The following DNAH6 variants were observed in gnomAD, a reference collection of about 807,000 sequenced individuals.
DNAH6 encodes axonemal beta dynein heavy chain 6.
A neutral mutation model predicts 491.4 loss-of-function variants in DNAH6; 340 were observed. The ratio of observed to expected loss-of-function variants is 0.69; its 90% CI spans 0.63 to 0.76. The LOEUF (loss-of-function observed/expected upper bound fraction) is 0.76. Ranked by LOEUF, DNAH6 falls within the 30% of genes least tolerant of loss-of-function variation. DNAH6 has a pLI of 0.00. For synonymous variants in DNAH6, 1,603 were observed against 1,686.1 expected (o/e 0.95, Z 1.21); for missense variants, 4,443 against 4,972.2 (o/e 0.89, Z 3.20).
At chr2:84,549,319 C>T (rs1679096547) in intron 8 of DNAH6, among the ~76,000 whole-genome samples, 1 of 152,164 alleles carries the variant, frequency 6.6e-6, no homozygotes, top group Non-Finnish European at 1.5e-5. Flanking sequence ...GTCTCTGAGG[C>T]TACCATAGTG....
intron 41 of DNAH6, among the ~76,000 whole-genome samples, chr2:84,679,917 G>A (rs1483119202): frequency 6.6e-6 from 1 of 152,166 alleles, no homozygotes; most frequent in Non-Finnish European, 1.5e-5. Context: ...TTGTATTTGT[G>A]TCATGGAGAA....
chr2:84,709,635 C>A, intron 55 of DNAH6, 89 bp downstream of exon 55: 1 of 1,384,058 alleles, frequency 7.2e-7, no homozygotes, highest in Non-Finnish European at 9.9e-7. Flanking sequence ...CCTCAATGTA[C>A]TTGGAGATTT....
chr2:84,607,510 G>A (rs1353485968), intron 21 of DNAH6, among the ~76,000 whole-genome samples: 4 of 152,096 alleles, frequency 2.6e-5, no homozygotes, highest in African/African-American at 9.7e-5. Context: ...GGGTGCAAGG[G>A]TGGAAAAACT....
rs5832625 is a variant in DNAH6, at chr2:84,804,205, CAAAAAAA to C, written c.11482-1447_11482-1441del. On this transcript the variant is annotated intron_variant, in intron 70 of 76. Coordinates refer to ENST00000389394, the MANE Select transcript of DNAH6 (RefSeq NM_001370.2). ...TGGGCAACAGAGTGAGACTCCATCTCAAAAAAAAAAAAAAAAAAAGTCTAATAAAATC... is the reference window on the plus strand; with the variant it reads ...TGGGCAACAGAGTGAGACTCCATCTCAAAAAAAAAAAAGTCTAATAAAATC... 3.4e-3 allele frequency among the ~76,000 whole-genome samples: 227 copies of C among 66,466 alleles called. 2 individuals are homozygous for C. Among genetic ancestry groups the C allele is most frequent in the African/African-American group, 0.014 (218 of 16,142 alleles). 43.6% of individuals were successfully genotyped at this position (66,466 alleles called of 152,430 possible).
chr2:84,650,874 T>C lies in DNAH6; in HGVS notation c.5079-2445T>C, dbSNP rs1690390350. Among the ~76,000 whole-genome samples, 4 of 152,242 alleles carry C rather than the reference T, an allele frequency of 2.6e-5. No homozygotes were observed. The South Asian group carries it at 8.3e-4, about 31-fold the overall frequency. On this transcript the variant is annotated intron_variant, in intron 33 of 76. Transcript: ENST00000389394. ...TGAAACCTACTTATCTGAGGTATTA[T>C]GTTATGAGACTCTAGATCTTATTTA...
Position 84,741,730 on chromosome 2 carries a change from C to T in DNAH6, c.10343-3350C>T, listed in dbSNP as rs77275579. The stretch of plus-strand genomic sequence containing the variant: ...GGCTGCAGCTGTGTCTGTAAATCCC[C>T]AGGATCTGGGTTCTCAAAATGGCAC... On this transcript the variant is annotated intron_variant, in intron 62 of 76. Coordinates refer to ENST00000389394, the MANE Select transcript of DNAH6 (RefSeq NM_001370.2). 3.4e-3 allele frequency among the ~76,000 whole-genome samples: 525 copies of T among 152,328 alleles called. 6 individuals carry two copies. The highest frequency in any genetic ancestry group is 0.012 in the African/African-American group (497 of 41,580).
At chr2:84,551,117 T>C (rs1215489394) in intron 9 of DNAH6, among the ~76,000 whole-genome samples, 1 of 152,130 alleles carries the variant, frequency 6.6e-6, no homozygotes, top group East Asian at 1.9e-4. Context: ...AGCTTAAATC[T>C]CCCACTCCAC....
intron 18 of DNAH6, among the ~76,000 whole-genome samples, chr2:84,599,535 G>A (rs1297377981): frequency 6.6e-6 from 1 of 151,818 alleles, no homozygotes; most frequent in Admixed American, 6.6e-5. Context: ...GTGTACTTTT[G>A]TACATATTAT....
At chr2:84,616,808 A>AT in intron 22 of DNAH6, 78 bp from the exon 23 acceptor site, 2 of 656,848 alleles carry the variant, frequency 3.0e-6, no homozygotes, top group Middle Eastern at 6.9e-4. Flanking sequence ...AATTGATTAC[A>AT]TTTTAAAGTG....
chr2:84,748,949 T>G (rs1192377306), intron 63 of DNAH6, among the ~76,000 whole-genome samples: 1 of 152,162 alleles, frequency 6.6e-6, no homozygotes, highest in East Asian at 1.9e-4. Flanking sequence ...GGAGCAAACA[T>G]GTCACACGGT....
chr2:84,781,913 G>T (rs989150728), intron 65 of DNAH6, among the ~76,000 whole-genome samples: 18 of 152,230 alleles, frequency 1.2e-4, no homozygotes, highest in Admixed American at 1.3e-4. Flanking sequence ...ATTTGAATTT[G>T]AAATATATTA....
chr2:84,471,596 C>T, the DNAH6 span, among the ~76,000 whole-genome samples: 11 of 152,106 alleles, frequency 7.2e-5, no homozygotes, highest in Non-Finnish European at 1.6e-4. Context: ...ATTCCATCCT[C>T]GCATTCAGAT....
chr2:84,634,434 G>T, intron 29 of DNAH6, 70 bp from the exon 30 acceptor site: 1 of 1,341,856 alleles, frequency 7.5e-7, no homozygotes, highest in Non-Finnish European at 9.6e-7. Flanking sequence ...TAATATTTCA[G>T]CTCAGAATTT....
At chr2:84,647,923 G>GT (rs1170282691) in intron 33 of DNAH6, among the ~76,000 whole-genome samples, 2 of 152,034 alleles carry the variant, frequency 1.3e-5, no homozygotes, top group Non-Finnish European at 2.9e-5. Context: ...TGTTAACATT[G>GT]TTTTTTTAAT....
chr2:84,601,128 C>T (rs1395601524), intron 18 of DNAH6, among the ~76,000 whole-genome samples: 1 of 145,982 alleles, frequency 6.9e-6, no homozygotes, highest in Non-Finnish European at 1.5e-5. Flanking sequence ...CAAGATGAAC[C>T]TGGAGCATCT....
At chr2:84,696,053 CAA>C (rs960077599) in intron 46 of DNAH6, among the ~76,000 whole-genome samples, 1 of 151,714 alleles carries the variant, frequency 6.6e-6, no homozygotes, top group African/African-American at 2.4e-5. Flanking sequence ...TTGAGAGAAA[CAA>C]GATGTTAAAA....
At chr2:84,736,594 A>G (rs551779804) in intron 62 of DNAH6, among the ~76,000 whole-genome samples, 7 of 151,928 alleles carry the variant, frequency 4.6e-5, no homozygotes, top group Non-Finnish European at 8.8e-5. Flanking sequence ...TTTTGTGGCT[A>G]TTTTAAATGG....
At chr2:84,505,565 T>G in the DNAH6 span, among the ~76,000 whole-genome samples, 1 of 152,198 alleles carries the variant, frequency 6.6e-6, no homozygotes, top group African/African-American at 2.4e-5. Flanking sequence ...TAAGTTCTTT[T>G]TTTATTATTA....
At chr2:84,726,599 A>G (rs1350526304) in intron 60 of DNAH6, among the ~76,000 whole-genome samples, 1 of 152,188 alleles carries the variant, frequency 6.6e-6, no homozygotes, top group African/African-American at 2.4e-5. Context: ...ACACATGGAC[A>G]CAGGAAGGGG....
Sources: allele counts gnomAD v4.1 joint callset (sites outside exome capture counted in the v4.1 genomes callset), GRCh38; gene constraint gnomAD v4.1.1; transcripts MANE v1.5; gene names NCBI Gene and HGNC (gene_info 2026-07-23, HGNC 2026-07-21).